Variants in VPS4B observed in about 807,000 individuals in gnomAD.
VPS4B encodes vacuolar protein sorting-associated protein 4B.
Under a neutral mutation model 56.1 loss-of-function variants are expected in VPS4B, and 23 were observed. That is an observed-to-expected ratio of 0.41 (90% CI 0.30 to 0.58). VPS4B has a LOEUF of 0.58. Among genes scored for constraint, VPS4B ranks in the 20% least tolerant of loss-of-function variants. The pLI, the probability that VPS4B is intolerant of heterozygous loss-of-function variation, is 0.29. For synonymous variants in VPS4B, 177 were observed against 186.0 expected, an observed-to-expected ratio of 0.95 and a Z score of 0.39; for missense variants, 372 against 531.9, an observed-to-expected ratio of 0.70 and a Z score of 2.96.
intron 10 of VPS4B, 142 bp downstream of exon 10, chr18:63,393,267 A>T (rs12456758): frequency 0.16 from 126,620 of 785,316 alleles, 11,379 homozygotes; most frequent in East Asian, 0.33. Flanking sequence ...AGTTCAATTA[A>T]CTTCATAATT....
intron 10 of VPS4B, among the ~76,000 whole-genome samples, chr18:63,392,498 G>A (rs1298170793): frequency 1.3e-5 from 2 of 152,122 alleles, no homozygotes; most frequent in Non-Finnish European, 2.9e-5. Context: ...GCCCAGGCTG[G>A]AGTGCAGTGG....
chr18:63,401,824 C>A (rs1389289257), intron 5 of VPS4B, among the ~76,000 whole-genome samples: 1 of 152,084 alleles, frequency 6.6e-6, no homozygotes, highest in Non-Finnish European at 1.5e-5. Context: ...GAAACCCTGA[C>A]TCTAGTAAAA....
In VPS4B at chr18:63,396,832, T is replaced by C; in HGVS notation, c.1092+202A>G. ...GGTGAAATCCTGTCTCTACTAAAAA[T>C]ACAAAAAATTAGCCAGGCGTGGTGG... On this transcript the variant is annotated intron_variant, in intron 9 of 10. Transcript: ENST00000238497. 9.2e-6 allele frequency: 5 copies of C among 541,098 alleles called. No homozygotes were observed. In the South Asian group the frequency reaches 1.1e-4, roughly 12 times the overall value. 33.5% of individuals were successfully genotyped at this position (541,098 alleles called of 1,614,324 possible). A position where few individuals can be genotyped will look rare whatever the true frequency, so the allele number is the denominator to read the frequency against.
chr18:63,420,631 A>AC (rs1232387569), intron 1 of VPS4B, among the ~76,000 whole-genome samples: 1 of 152,196 alleles, frequency 6.6e-6, no homozygotes, highest in Non-Finnish European at 1.5e-5. Flanking sequence ...TTACCAAATG[A>AC]CCAACGCTTT....
rs1214219533 is a variant in VPS4B at position 63,422,424 on chromosome 18, T to TCCACCAGAGCTCCGACCCTCC, written c.-186_-166dup. ...GGAACTTGTTTTAGACAACACTCTC[T>TCCACCAGAGCTCCGACCCTCC]CCACCAGAGCTCCGACCCTCCCCAC... On this transcript the variant is annotated 5_prime_UTR_variant, in exon 1 of 11. Transcript: ENST00000238497. 26 of 525,386 alleles carry TCCACCAGAGCTCCGACCCTCC rather than the reference T, an allele frequency of 4.9e-5. No individual in the cohort carries two copies. Among genetic ancestry groups the TCCACCAGAGCTCCGACCCTCC allele is most frequent in the African/African-American group, 3.0e-4 (15 of 50,286 alleles). 32.5% of individuals were successfully genotyped at this position (525,386 alleles called of 1,614,324 possible).
chr18:63,414,569 G>A (rs1292052533), intron 1 of VPS4B, among the ~76,000 whole-genome samples: 1 of 151,876 alleles, frequency 6.6e-6, no homozygotes, highest in South Asian at 2.1e-4. Flanking sequence ...CCAGTGGCTG[G>A]GATTACAGGC....
intron 9 of VPS4B, among the ~76,000 whole-genome samples, chr18:63,395,073 T>C (rs949171481): frequency 6.6e-6 from 1 of 152,128 alleles, no homozygotes; most frequent in African/African-American, 2.4e-5. Context: ...ATGGAGCCGC[T>C]GAGAGGTCTG....
intron 8 of VPS4B, 39 bp downstream of exon 8, chr18:63,399,203 T>A: frequency 1.3e-6 from 2 of 1,508,608 alleles, no homozygotes; most frequent in Non-Finnish European, 1.8e-6. Context: ...ACTTGTTACA[T>A]CTGCAGTGAG....
At chr18:63,398,469 C>T (rs1291184887) in intron 8 of VPS4B, among the ~76,000 whole-genome samples, 1 of 151,768 alleles carries the variant, frequency 6.6e-6, no homozygotes, top group Non-Finnish European at 1.5e-5. Context: ...ATCTGCCTAC[C>T]TTGGTTTCCC....
chr18:63,400,510 C>A (rs201673125), intron 6 of VPS4B, 37 bp downstream of exon 6: 33 of 1,580,136 alleles, frequency 2.1e-5, no homozygotes, highest in Non-Finnish European at 2.8e-5. Context: ...TAATTACAGG[C>A]AAAGAAAAAA....
At position 63,389,795 on chromosome 18, in the gene VPS4B, A is replaced by G. The variant is rs567012673; in HGVS notation, c.*1180T>C. On this transcript the variant is annotated 3_prime_UTR_variant, in exon 11 of 11. Transcript: ENST00000238497. ...ATACATATATGTACACAGACACCCCATATCACAGACAAGAAACTTCCCATA... is the reference window on the plus strand; with the variant it reads ...ATACATATATGTACACAGACACCCCGTATCACAGACAAGAAACTTCCCATA... 6.5e-6 allele frequency: 1 copy of G among 152,744 alleles called. No homozygotes were observed. The highest frequency in any genetic ancestry group is 2.1e-4 in the South Asian group (1 of 4,828). 9.5% of individuals were successfully genotyped at this position (152,744 alleles called of 1,614,324 possible).
At chr18:63,410,260 C>T (rs2144430853) in intron 3 of VPS4B, 30 bp downstream of exon 3, 2 of 1,605,514 alleles carry the variant, frequency 1.2e-6, no homozygotes, top group Non-Finnish European at 1.7e-6. Flanking sequence ...CAAAAAGCCA[C>T]AATAAAATTG....
chr18:63,391,230 CTT>C (rs11425099), intron 10 of VPS4B, among the ~76,000 whole-genome samples, 154 bp from the exon 11 acceptor site: 16 of 141,494 alleles, frequency 1.1e-4, no homozygotes, highest in Non-Finnish European at 1.2e-4. Flanking sequence ...ACTCCCTATT[CTT>C]TTTTTTTTTT....
chr18:63,415,527 C>A, intron 1 of VPS4B: 1 of 290,466 alleles, frequency 3.4e-6, no homozygotes, highest in South Asian at 4.1e-5. Flanking sequence ...GGGTCAGGTT[C>A]CTTTTCAGAG....
In VPS4B at chr18:63,422,416, A is replaced by G. The variant is rs1360051793; in HGVS notation, c.-157T>C. 1.7e-6 allele frequency: 1 copy of G among 580,860 alleles called. No homozygotes were observed. Among genetic ancestry groups the G allele is most frequent in the Non-Finnish European group, 2.7e-6 (1 of 366,972 alleles). The allele number at this position is 580,860 out of a possible 1,614,324, so 36.0% of individuals were successfully genotyped here. A position where few individuals can be genotyped will look rare whatever the true frequency, so the allele number is the denominator to read the frequency against. ...TCCCTTCCGGAACTTGTTTTAGACA[A>G]CACTCTCTCCACCAGAGCTCCGACC... On this transcript the variant is annotated 5_prime_UTR_variant, in exon 1 of 11. Transcript: ENST00000238497.
chr18:63,408,770 G>A (rs1349344549), intron 3 of VPS4B, among the ~76,000 whole-genome samples: 1 of 151,894 alleles, frequency 6.6e-6, no homozygotes, highest in Non-Finnish European at 1.5e-5. Flanking sequence ...ATCCCTTTTT[G>A]CTTAAATTAG....
At chr18:63,397,776 C>T (rs566073332) in intron 8 of VPS4B, among the ~76,000 whole-genome samples, 4 of 152,272 alleles carry the variant, frequency 2.6e-5, no homozygotes, top group African/African-American at 7.2e-5. Context: ...CTTAGAATTT[C>T]GGTATTTGGA....
chr18:63,412,998 T>C (rs1257817081), intron 1 of VPS4B, among the ~76,000 whole-genome samples: 1 of 152,204 alleles, frequency 6.6e-6, no homozygotes, highest in African/African-American at 2.4e-5. Context: ...ATCTATAGAC[T>C]GGGAGAAATA....
At chr18:63,414,865 T>A (rs1916128368) in intron 1 of VPS4B, among the ~76,000 whole-genome samples, 1 of 152,250 alleles carries the variant, frequency 6.6e-6, no homozygotes, top group African/African-American at 2.4e-5. Context: ...ACACTGATTT[T>A]TATTAAGTTA....
Sources: allele counts gnomAD v4.1 joint callset (sites outside exome capture counted in the v4.1 genomes callset), GRCh38; gene constraint gnomAD v4.1.1; transcripts MANE v1.5; gene names NCBI Gene and HGNC (gene_info 2026-07-23, HGNC 2026-07-21).